Variants in CALN1 observed in about 807,000 individuals in gnomAD.
The protein encoded by CALN1 is calneuron 1.
CALN1 carries 17 observed loss-of-function variants against 30.6 expected under a neutral mutation model. The ratio of observed to expected loss-of-function variants is 0.56; its 90% CI spans 0.38 to 0.83. CALN1 has a LOEUF of 0.83. CALN1 is among the 40% of genes least tolerant of loss of function. CALN1 has a pLI of 0.00. For synonymous variants in CALN1, 156 were observed against 131.4 expected, an observed-to-expected ratio of 1.19 and a Z score of -1.28; for missense variants, 291 against 354.9, an observed-to-expected ratio of 0.82 and a Z score of 1.45.
intron 3 of CALN1, among the ~76,000 whole-genome samples, chr7:72,256,510 A>C (rs1016503418): frequency 4.2e-4 from 64 of 152,190 alleles, no homozygotes; most frequent in Non-Finnish European, 2.1e-4. Context: ...ACTTCTAAAA[A>C]AGATGACCAA....
chr7:72,252,608 C>CAAAAAA (rs71069044), intron 3 of CALN1, among the ~76,000 whole-genome samples: 1 of 137,388 alleles, frequency 7.3e-6, no homozygotes, highest in Non-Finnish European at 1.6e-5. Flanking sequence ...GACCCTGTCT[C>CAAAAAA]AAAAAAAAAA....
At chr7:71,928,948 G>A (rs890262352) in intron 5 of CALN1, among the ~76,000 whole-genome samples, 1 of 151,286 alleles carries the variant, frequency 6.6e-6, no homozygotes, top group East Asian at 1.9e-4. Context: ...AACCCCTGCT[G>A]CTCTCCTACC....
At chr7:71,991,682 A>G (rs907616698) in intron 5 of CALN1, among the ~76,000 whole-genome samples, 2 of 152,240 alleles carry the variant, frequency 1.3e-5, no homozygotes, top group African/African-American at 4.8e-5. Context: ...TATTTTCTAC[A>G]AAGAACAAGA....
At chr7:72,404,325 A>G (rs751604111) in intron 1 of CALN1, among the ~76,000 whole-genome samples, 77 of 152,230 alleles carry the variant, frequency 5.1e-4, no homozygotes, top group Non-Finnish European at 1.3e-4. Flanking sequence ...AGGCAGGGAC[A>G]ACCTTAAAAT....
chr7:72,390,314 T>G (rs563985130), intron 2 of CALN1, among the ~76,000 whole-genome samples: 1 of 150,064 alleles, frequency 6.7e-6, no homozygotes. Context: ...ACCTGTAATC[T>G]CAGCTACTCA....
chr7:72,380,699 ATT>A (rs2129560793), intron 2 of CALN1, among the ~76,000 whole-genome samples: 1 of 149,218 alleles, frequency 6.7e-6, no homozygotes, highest in African/African-American at 2.5e-5. Flanking sequence ...GGATACATAC[ATT>A]AGATTAGATA....
chr7:72,399,553 G>A (rs544829736), intron 2 of CALN1, among the ~76,000 whole-genome samples: 112 of 152,222 alleles, frequency 7.4e-4, no homozygotes, highest in Non-Finnish European at 1.4e-3. Context: ...ACAGGCATGA[G>A]CCACCGTGCC....
chr7:72,092,822 A>C (rs928632903), intron 4 of CALN1, among the ~76,000 whole-genome samples: 3 of 152,114 alleles, frequency 2.0e-5, no homozygotes, highest in Non-Finnish European at 4.4e-5. Context: ...AAAACCCTTA[A>C]GAATCACTGT....
In CALN1 at chr7:71,783,835, T is replaced by C. The variant is rs1386805404; in HGVS notation, c.*3940A>G. ...GTCAAAAGCAGCTGTCCATTTTTCA[T>C]AGGCTCTTTTGGATAACTGCAAGAT... On this transcript the variant is annotated 3_prime_UTR_variant, in exon 7 of 7. Coordinates refer to ENST00000395275, the MANE Select transcript of CALN1 (RefSeq NM_031468.4). 1.3e-5 allele frequency: 2 copies of C among 152,636 alleles called. No homozygotes were observed. Among genetic ancestry groups the C allele is most frequent in the East Asian group, 3.9e-4 (2 of 5,194 alleles). The allele number at this position is 152,636 out of a possible 1,614,324, so 9.5% of individuals were successfully genotyped here.
chr7:72,092,027 C>T (rs1805897755), intron 4 of CALN1, among the ~76,000 whole-genome samples: 1 of 152,106 alleles, frequency 6.6e-6, no homozygotes, highest in Non-Finnish European at 1.5e-5. Context: ...TATTCAAGTG[C>T]ATTAATATGA....
At chr7:72,092,072 T>C (rs1805901076) in intron 4 of CALN1, among the ~76,000 whole-genome samples, 1 of 152,202 alleles carries the variant, frequency 6.6e-6, no homozygotes, top group Admixed American at 6.5e-5. Context: ...AAATCTCCCA[T>C]ATTTACTTTT....
At chr7:72,205,557 T>TATATATATATATATATATACAC (rs1791788699) in intron 3 of CALN1, among the ~76,000 whole-genome samples, 24 of 109,818 alleles carry the variant, frequency 2.2e-4, no homozygotes, top group African/African-American at 9.1e-4. Flanking sequence ...AAAAAATATA[T>TATATATATATATATATATACAC]ATATATATAT....
intron 3 of CALN1, among the ~76,000 whole-genome samples, chr7:72,255,936 G>T (rs1380653585): frequency 6.6e-6 from 1 of 151,960 alleles, no homozygotes; most frequent in East Asian, 1.9e-4. Context: ...CACCATGTTG[G>T]TCAGGCTGGT....
chr7:71,798,884 A>G (rs1412777729), intron 6 of CALN1, among the ~76,000 whole-genome samples: 2 of 152,010 alleles, frequency 1.3e-5, no homozygotes, highest in East Asian at 1.9e-4. Flanking sequence ...TTGGCCTCCC[A>G]AAGTGTTGGG....
intron 5 of CALN1, among the ~76,000 whole-genome samples, chr7:71,867,112 T>C (rs1455136221): frequency 6.7e-6 from 1 of 150,282 alleles, no homozygotes; most frequent in Non-Finnish European, 1.5e-5. Flanking sequence ...ACCATTGCAC[T>C]CCAGCCTGGG....
chr7:72,501,948 T>TATATACAC, the CALN1 span, among the ~76,000 whole-genome samples: 2,515 of 72,308 alleles, frequency 0.035, 229 homozygotes, highest in South Asian at 0.042. Flanking sequence ...TATATATATA[T>TATATACAC]ACACACATAT....
chr7:72,030,501 G>A (rs1801366080), intron 4 of CALN1, among the ~76,000 whole-genome samples: 1 of 152,088 alleles, frequency 6.6e-6, no homozygotes, highest in South Asian at 2.1e-4. Context: ...AAACAGGGCT[G>A]GGAATACCCC....
chr7:72,427,101 G>A (rs182762554), intron 1 of CALN1, among the ~76,000 whole-genome samples: 4 of 152,254 alleles, frequency 2.6e-5, no homozygotes, highest in Non-Finnish European at 5.9e-5. Flanking sequence ...TCTCACCTCA[G>A]CCTCCCAAGT....
intron 2 of CALN1, among the ~76,000 whole-genome samples, chr7:72,396,094 G>A (rs370799210): frequency 6.6e-5 from 10 of 151,710 alleles, no homozygotes; most frequent in African/African-American, 2.4e-4. Context: ...CATTACATGA[G>A]GCGAGATTAA....
Sources: allele counts gnomAD v4.1 joint callset (sites outside exome capture counted in the v4.1 genomes callset), GRCh38; gene constraint gnomAD v4.1.1; transcripts MANE v1.5; gene names NCBI Gene and HGNC (gene_info 2026-07-23, HGNC 2026-07-21).